Variants in TNFRSF9 observed in about 807,000 individuals in gnomAD.
TNFRSF9 encodes the protein TNF receptor superfamily member 9.
In TNFRSF9, 16 loss-of-function variants were observed where a neutral mutation model predicts 28.8. The ratio of observed to expected loss-of-function variants is 0.55; its 90% CI spans 0.38 to 0.84. The LOEUF (loss-of-function observed/expected upper bound fraction) is 0.84. TNFRSF9 is among the 40% of genes least tolerant of loss of function. The probability of loss-of-function intolerance (pLI) is 0.00; values close to 1 mark genes in which losing one functional copy is unlikely to be tolerated. For synonymous variants in TNFRSF9, 131 were observed against 117.0 expected (o/e 1.12, Z -0.77); for missense variants, 303 against 315.0 (o/e 0.96, Z 0.29).
chr1:7,936,212 G>A, intron 5 of TNFRSF9, among the ~76,000 whole-genome samples: 1 of 152,036 alleles, frequency 6.6e-6, no homozygotes, highest in East Asian at 1.9e-4. Flanking sequence ...GGTCAGGAGT[G>A]CGAGACCAGC....
intron 7 of TNFRSF9, among the ~76,000 whole-genome samples, chr1:7,927,794 A>G (rs943896319): frequency 3.3e-5 from 5 of 152,254 alleles, no homozygotes; most frequent in Middle Eastern, 3.4e-3. Context: ...ACATGACTCC[A>G]TAAATGAAAA....
intron 7 of TNFRSF9, among the ~76,000 whole-genome samples, chr1:7,924,294 C>CATATATATATAT (rs58569630): frequency 1.0e-4 from 13 of 129,984 alleles, no homozygotes; most frequent in Non-Finnish European, 1.1e-4. Context: ...TAGTATATTC[C>CATATATATATAT]ATATATATAT....
Position 7,940,053 on chromosome 1 carries a change from A to G in TNFRSF9, c.-59T>C. The G allele has an allele frequency of 8.0e-7, 1 of 1,257,700 alleles. No individual in the cohort carries two copies. Among genetic ancestry groups the G allele is most frequent in the Admixed American group, 1.7e-5 (1 of 57,510 alleles). The allele number at this position is 1,257,700 out of a possible 1,614,324, so 77.9% of individuals were successfully genotyped here. A position where few individuals can be genotyped will look rare whatever the true frequency, so the allele number is the denominator to read the frequency against. On this transcript the variant is annotated 5_prime_UTR_variant, in exon 2 of 8. Transcript: ENST00000377507. ...GCTGATTCCAAGAGAATTTTAATCA[A>G]ATTAGCTGGTCTCACAAATGTCACT...
chr1:7,924,493 G>C (rs186515329), intron 7 of TNFRSF9, among the ~76,000 whole-genome samples: 1 of 151,776 alleles, frequency 6.6e-6, no homozygotes, highest in Non-Finnish European at 1.5e-5. Flanking sequence ...CAGGCATGGC[G>C]GCATGCACCT....
At chr1:7,939,364 C>A (rs7530476) in intron 2 of TNFRSF9, among the ~76,000 whole-genome samples, 7,038 of 148,708 alleles carry the variant, frequency 0.047, 595 homozygotes, top group African/African-American at 0.16. Context: ...AACAAAAAAA[C>A]CAGATATTGT....
At chr1:7,925,885 C>CCA (rs1639644838) in intron 7 of TNFRSF9, among the ~76,000 whole-genome samples, 1 of 152,064 alleles carries the variant, frequency 6.6e-6, no homozygotes, top group Non-Finnish European at 1.5e-5. Flanking sequence ...CACGTGCTTG[C>CCA]CCACCACTCT....
chr1:7,917,510 C>G lies in TNFRSF9; in HGVS notation c.*3325G>C, dbSNP rs1639497144. The stretch of plus-strand genomic sequence containing the variant: ...CTACATGCAAGACATGGAATTGGAT[C>G]ACTACCTCCCAACAGGCACAAAAGC... On this transcript the variant is annotated 3_prime_UTR_variant, in exon 8 of 8. Coordinates refer to ENST00000377507, the MANE Select transcript of TNFRSF9 (RefSeq NM_001561.6). 6.6e-6 allele frequency: 1 copy of G among 152,136 alleles called. No homozygotes were observed. The highest frequency in any genetic ancestry group is 1.5e-5 in the Non-Finnish European group (1 of 68,042). The allele number at this position is 152,136 out of a possible 1,614,324, so 9.4% of individuals were successfully genotyped here. A position where few individuals can be genotyped will look rare whatever the true frequency, so the allele number is the denominator to read the frequency against.
chr1:7,924,966 G>A (rs192993236), intron 7 of TNFRSF9, among the ~76,000 whole-genome samples: 1 of 152,306 alleles, frequency 6.6e-6, no homozygotes, highest in Admixed American at 6.5e-5. Flanking sequence ...CAATGTGCTT[G>A]TGTTTTAAGC....
At position 7,916,201 on chromosome 1, in the gene TNFRSF9, A is replaced by G. The variant is rs1639476515; in HGVS notation, c.*4634T>C. 1 of 152,240 alleles carries G rather than the reference A, an allele frequency of 6.6e-6. No homozygotes were observed. The allele number at this position is 152,240 out of a possible 1,614,324, so 9.4% of individuals were successfully genotyped here. A position where few individuals can be genotyped will look rare whatever the true frequency, so the allele number is the denominator to read the frequency against. ...TTAGAAAATGATTTATAATTTGTGT[A>G]TCCCTAAATGTGCTAATTTATTTTT... is the stretch of plus-strand genomic sequence containing the variant. On this transcript the variant is annotated 3_prime_UTR_variant, in exon 8 of 8. Transcript: ENST00000377507.
Position 7,938,254 on chromosome 1 carries a change from C to A in TNFRSF9, c.285G>T (p.Leu95=). ...ECDCTPGFHC[L]GAGCSMCEQD... The stretch of plus-strand genomic sequence containing the variant: ...GTTCACACATGCTGCATCCTGCCCC[C>A]AGGCAGTGAAACCCTGGAGTGCAGT... The change falls in exon 4 of 8, where the codon CTG becomes CTT. Residue 95 remains leucine, a synonymous_variant. Coordinates refer to ENST00000377507, the MANE Select transcript of TNFRSF9 (RefSeq NM_001561.6). The A allele has an allele frequency of 6.2e-7, 1 of 1,608,604 alleles. No individual in the cohort carries two copies. The highest frequency in any genetic ancestry group is 8.5e-7 in the Non-Finnish European group (1 of 1,177,740).
At chr1:7,935,559 C>T (rs1297809033) in intron 5 of TNFRSF9, among the ~76,000 whole-genome samples, 1 of 152,210 alleles carries the variant, frequency 6.6e-6, no homozygotes, top group Non-Finnish European at 1.5e-5. Flanking sequence ...AGCATGGTGG[C>T]TCACGCCTAT....
At chr1:7,938,895 G>C (rs1639860923) in intron 2 of TNFRSF9, 67 bp from the exon 3 acceptor site, 1 of 1,144,688 alleles carries the variant, frequency 8.7e-7, no homozygotes, top group East Asian at 2.4e-5. Flanking sequence ...GCATTCCGAA[G>C]TTTACAATAA....
chr1:7,934,023 C>CA (rs1327790910), intron 6 of TNFRSF9, among the ~76,000 whole-genome samples: 1 of 151,144 alleles, frequency 6.6e-6, no homozygotes, highest in African/African-American at 2.4e-5. Context: ...TCCACCCCCC[C>CA]AAAAAAATAA....
intron 7 of TNFRSF9, among the ~76,000 whole-genome samples, chr1:7,930,306 C>A (rs919152724): frequency 2.0e-5 from 3 of 152,208 alleles, no homozygotes; most frequent in African/African-American, 7.2e-5. Context: ...GAACCCGGGT[C>A]GTGATGGCGA....
At chr1:7,939,180 C>T (rs964125124) in intron 2 of TNFRSF9, among the ~76,000 whole-genome samples, 30 of 151,782 alleles carry the variant, frequency 2.0e-4, no homozygotes, top group African/African-American at 5.8e-4. Context: ...ATTAGCCAGG[C>T]GCAGTGGTGC....
At position 7,917,188 on chromosome 1, in the gene TNFRSF9, C is replaced by T. The variant is rs902719185; in HGVS notation, c.*3647G>A. ...TCAGGTGATCCATCCGCGTCGGCCTCCCAAAGTGCTGGGATTACAGGCGTG... is the reference window on the plus strand; with the variant it reads ...TCAGGTGATCCATCCGCGTCGGCCTTCCAAAGTGCTGGGATTACAGGCGTG... On this transcript the variant is annotated 3_prime_UTR_variant, in exon 8 of 8. Transcript: ENST00000377507. 1 of 152,260 alleles carries T rather than the reference C, an allele frequency of 6.6e-6. No individual in the cohort carries two copies. The highest frequency in any genetic ancestry group is 1.5e-5 in the Non-Finnish European group (1 of 68,118). The allele number at this position is 152,260 out of a possible 1,614,324, so 9.4% of individuals were successfully genotyped here.
intron 7 of TNFRSF9, among the ~76,000 whole-genome samples, chr1:7,922,993 C>T (rs1639585459): frequency 6.6e-6 from 1 of 150,904 alleles, no homozygotes; most frequent in Non-Finnish European, 1.5e-5. Flanking sequence ...ACCTCCGCCT[C>T]TTGGGTTCAA....
rs1252718070 is a variant in TNFRSF9, at chr1:7,939,974, G to T, written c.21C>A (p.Asn7Lys). 12 of 1,598,500 alleles carry T rather than the reference G, an allele frequency of 7.5e-6. No individual in the cohort carries two copies. Among genetic ancestry groups the T allele is most frequent in the Non-Finnish European group, 1.0e-5 (12 of 1,167,546 alleles). The stretch of plus-strand genomic sequence containing the variant: ...GGACCAGCAACAGAGTGGCTACTAT[G>T]TTGTAACAGCTGTTTCCCATGATGA... MGNSCY[N>K]IVATLLLVLN... The change falls in exon 2 of 8, where the codon AAC becomes AAA. Residue 7 changes from asparagine (N) to lysine (K), a missense_variant. Physicochemically the swap from Asn to Lys is moderately conservative, Grantham distance 94. Transcript: ENST00000377507.
chr1:7,928,087 G>A (rs369830679), intron 7 of TNFRSF9, among the ~76,000 whole-genome samples: 4 of 152,142 alleles, frequency 2.6e-5, no homozygotes, highest in African/African-American at 9.7e-5. Context: ...TAAGGGAAGT[G>A]CAAATTAAAG....
Sources: allele counts gnomAD v4.1 joint callset (sites outside exome capture counted in the v4.1 genomes callset), GRCh38; gene constraint gnomAD v4.1.1; transcripts MANE v1.5; gene names NCBI Gene and HGNC (gene_info 2026-07-23, HGNC 2026-07-21).